The following SIAH3 variants were observed in gnomAD, a reference collection of about 807,000 sequenced individuals.
The protein encoded by SIAH3 is siah E3 ubiquitin protein ligase family member 3.
Under a neutral mutation model 12.6 loss-of-function variants are expected in SIAH3, and 9 were observed. The ratio of observed to expected loss-of-function variants is 0.72; its 90% CI spans 0.43 to 1.25. SIAH3 has a LOEUF of 1.25. Ranked by LOEUF, SIAH3 falls within the 50% of genes most tolerant of loss-of-function variation. SIAH3 has a pLI of 0.00. For synonymous variants in SIAH3, 154 were observed against 151.1 expected (o/e 1.02, Z -0.14); for missense variants, 390 against 365.4 (o/e 1.07, Z -0.55).
chr13:45,815,590 G>A lies in SIAH3; in HGVS notation c.136-31533C>T, dbSNP rs115817530. ...AGACATCCTATTCATTCTGGTCTCC[G>A]GAGAACCATGACAAATACAGTGCAT... On this transcript the variant is annotated intron_variant, in intron 1 of 1. Transcript: ENST00000400405. Among the ~76,000 whole-genome samples the A allele has an allele frequency of 6.7e-3, 1,024 of 152,190 alleles. 10 individuals carry two copies. Among genetic ancestry groups the A allele is most frequent in the African/African-American group, 0.023 (947 of 41,510 alleles).
At chr13:45,837,534 C>T (rs868142635) in intron 1 of SIAH3, among the ~76,000 whole-genome samples, 2 of 85,398 alleles carry the variant, frequency 2.3e-5, no homozygotes, top group Non-Finnish European at 2.4e-5. Flanking sequence ...AAGAAAGAGA[C>T]AAGAAGGAAG....
chr13:45,796,282 C>T (rs1338604260), intron 1 of SIAH3, among the ~76,000 whole-genome samples: 9 of 151,904 alleles, frequency 5.9e-5, no homozygotes, highest in East Asian at 3.9e-4. Flanking sequence ...AGACAGAGAA[C>T]GGATGTATGT....
intron 1 of SIAH3, among the ~76,000 whole-genome samples, chr13:45,787,620 A>G (rs1434130382): frequency 6.6e-6 from 1 of 152,232 alleles, no homozygotes; most frequent in Non-Finnish European, 1.5e-5. Flanking sequence ...TGGGTATGAA[A>G]GAACATGGAT....
intron 1 of SIAH3, among the ~76,000 whole-genome samples, chr13:45,849,922 G>A (rs1351007449): frequency 6.6e-6 from 1 of 152,192 alleles, no homozygotes; most frequent in Non-Finnish European, 1.5e-5. Flanking sequence ...ATGGAAGTTT[G>A]AATGCAGTCT....
Position 45,778,130 on chromosome 13 carries a change from A to G in SIAH3, c.*5253T>C, listed in dbSNP as rs1566083910. 6.6e-6 allele frequency: 1 copy of G among 152,152 alleles called. No homozygotes were observed. Among genetic ancestry groups the G allele is most frequent in the Non-Finnish European group, 1.5e-5 (1 of 68,024 alleles). The allele number at this position is 152,152 out of a possible 1,614,324, so 9.4% of individuals were successfully genotyped here. A position where few individuals can be genotyped will look rare whatever the true frequency, so the allele number is the denominator to read the frequency against. On this transcript the variant is annotated 3_prime_UTR_variant, in exon 2 of 2. Coordinates refer to ENST00000400405, the MANE Select transcript of SIAH3 (RefSeq NM_198849.3). ...ATTATGTTTTCTGTCCCTCAGCTTC[A>G]TGCTTTACGGGGGTCCCACTTTTGT...
At chr13:45,811,006 A>C (rs562497471) in intron 1 of SIAH3, among the ~76,000 whole-genome samples, 1 of 152,344 alleles carries the variant, frequency 6.6e-6, no homozygotes, top group East Asian at 1.9e-4. Flanking sequence ...GCAAAATAGG[A>C]AAGAGATTAA....
At chr13:45,814,065 C>T (rs1369066340) in intron 1 of SIAH3, among the ~76,000 whole-genome samples, 14 of 151,860 alleles carry the variant, frequency 9.2e-5, no homozygotes, top group Admixed American at 2.6e-4. Flanking sequence ...GGTGAAACCC[C>T]GTTTCTACTA....
intron 1 of SIAH3, among the ~76,000 whole-genome samples, chr13:45,824,032 G>C (rs1481462325): frequency 6.6e-6 from 1 of 152,218 alleles, no homozygotes; most frequent in Admixed American, 6.5e-5. Flanking sequence ...CACCCAAACA[G>C]TGAACATAGT....
intron 1 of SIAH3, among the ~76,000 whole-genome samples, chr13:45,799,854 A>T (rs991487829): frequency 6.6e-5 from 10 of 152,226 alleles, no homozygotes; most frequent in Non-Finnish European, 1.5e-4. Context: ...TAATCCTAAT[A>T]TTAAGTAAAG....
chr13:45,783,550 C>A lies in SIAH3; in HGVS notation c.643G>T (p.Glu215Ter), dbSNP rs746791374. The A allele has an allele frequency of 6.2e-7, 1 of 1,614,214 alleles. No homozygotes were observed. Among genetic ancestry groups the A allele is most frequent in the Non-Finnish European group, 8.5e-7 (1 of 1,180,040 alleles). The stretch of plus-strand genomic sequence containing the variant: ...TCAAGAACAGACCGGGGCGTGGCCT[C>A]CCACTTGAGGCGCCGATGGTTTCTG... The part of the protein sequence containing the change: ...LNRNHRRLKW[E>*]ATPRSVLECV... The change falls in exon 2 of 2, where the codon GAG (glutamate) becomes TAG (stop). Residue 215 changes from glutamate to a stop codon, truncating the protein, a stop_gained. Transcript: ENST00000400405. LOFTEE classifies it high-confidence loss of function.
At chr13:45,844,168 A>G (rs1443792284) in intron 1 of SIAH3, among the ~76,000 whole-genome samples, 1 of 152,218 alleles carries the variant, frequency 6.6e-6, no homozygotes, top group Admixed American at 6.5e-5. Context: ...ATTGTGAACT[A>G]AAATTTAGGT....
At chr13:45,796,226 A>C (rs1950562082) in intron 1 of SIAH3, among the ~76,000 whole-genome samples, 1 of 151,218 alleles carries the variant, frequency 6.6e-6, no homozygotes, top group African/African-American at 2.4e-5. Flanking sequence ...ACTTCACTGC[A>C]TGCTATACAT....
chr13:45,825,660 A>T (rs1477348565), intron 1 of SIAH3, among the ~76,000 whole-genome samples: 1 of 152,234 alleles, frequency 6.6e-6, no homozygotes, highest in Non-Finnish European at 1.5e-5. Context: ...CAACTTGGTG[A>T]GCAAGAAGTT....
intron 1 of SIAH3, among the ~76,000 whole-genome samples, chr13:45,817,236 T>A (rs914594869): frequency 2.0e-5 from 3 of 152,226 alleles, no homozygotes; most frequent in African/African-American, 7.2e-5. Context: ...GTTTAGATAT[T>A]TTTAGATACA....
chr13:45,824,557 T>A (rs113424914), intron 1 of SIAH3, among the ~76,000 whole-genome samples: 1 of 152,042 alleles, frequency 6.6e-6, no homozygotes, highest in African/African-American at 2.4e-5. Context: ...GAGACCCAGG[T>A]TTCAGCCCTT....
chr13:45,826,595 T>A (rs1950678474), intron 1 of SIAH3, among the ~76,000 whole-genome samples: 1 of 152,122 alleles, frequency 6.6e-6, no homozygotes, highest in South Asian at 2.1e-4. Context: ...CTTTACCTTA[T>A]CACGTGCCTC....
chr13:45,809,269 AC>A (rs1566091081), intron 1 of SIAH3, among the ~76,000 whole-genome samples: 3 of 152,288 alleles, frequency 2.0e-5, no homozygotes, highest in Admixed American at 2.0e-4. Flanking sequence ...GTTTTGTTCC[AC>A]CCTTAAGGCT....
At chr13:45,817,748 T>C (rs1171591493) in intron 1 of SIAH3, among the ~76,000 whole-genome samples, 1 of 152,212 alleles carries the variant, frequency 6.6e-6, no homozygotes, top group Admixed American at 6.5e-5. Flanking sequence ...TCTTAGAGCT[T>C]ATACATAAAG....
At chr13:45,789,978 G>A (rs7331865) in intron 1 of SIAH3, among the ~76,000 whole-genome samples, 84,055 of 151,962 alleles carry the variant, frequency 0.55, 24,729 homozygotes, top group Non-Finnish European at 0.66. Flanking sequence ...AGTGGTTTTC[G>A]AGCTGTAAAG....
Sources: gnomAD v4.1 joint callset for allele counts (sites outside exome capture counted in the v4.1 genomes callset) on GRCh38, gnomAD v4.1.1 for gene constraint, MANE v1.5 for transcripts, NCBI Gene and HGNC (gene_info 2026-07-23, HGNC 2026-07-21) for gene names.